EXOC2: variants seen among roughly 807,000 people sequenced by gnomAD.
The protein encoded by EXOC2 is exocyst complex component 2.
Under a neutral mutation model 131.8 loss-of-function variants are expected in EXOC2, and 70 were observed. That is an observed-to-expected ratio of 0.53 (90% CI 0.44 to 0.65). The LOEUF (loss-of-function observed/expected upper bound fraction) is 0.65, where lower values mean the gene tolerates loss of function less well. Ranked by LOEUF, EXOC2 falls within the 30% of genes least tolerant of loss-of-function variation. The pLI, the probability that EXOC2 is intolerant of heterozygous loss-of-function variation, is 0.00. For missense variants in EXOC2, 923 were observed against 1,108.6 expected (o/e 0.83, Z 2.38); for synonymous variants, 411 against 398.4 (o/e 1.03, Z -0.38).
chr6:631,025 C>A (rs1326435868), intron 3 of EXOC2, among the ~76,000 whole-genome samples: 1 of 152,198 alleles, frequency 6.6e-6, no homozygotes, highest in Non-Finnish European at 1.5e-5. Context: ...AGGCCCTGGG[C>A]TGCAACAGAA....
At chr6:534,425 G>A (rs558028158) in intron 22 of EXOC2, among the ~76,000 whole-genome samples, 2 of 142,020 alleles carry the variant, frequency 1.4e-5, no homozygotes, top group Non-Finnish European at 3.0e-5. Context: ...CTCTAAATGA[G>A]AGAGAGACAG....
intron 7 of EXOC2, among the ~76,000 whole-genome samples, chr6:609,537 G>A (rs1268987292): frequency 3.3e-5 from 5 of 152,222 alleles, no homozygotes; most frequent in African/African-American, 9.6e-5. Context: ...GACAAGGGAC[G>A]TGGACAGAAC....
At chr6:583,904 C>G (rs1284552965) in intron 11 of EXOC2, among the ~76,000 whole-genome samples, 1 of 152,190 alleles carries the variant, frequency 6.6e-6, no homozygotes, top group Non-Finnish European at 1.5e-5. Flanking sequence ...AAACTAGCAT[C>G]TCATATCTGT....
chr6:563,271 GCTAAGGGAATGC>G (rs1757795388), intron 16 of EXOC2, among the ~76,000 whole-genome samples: 1 of 152,148 alleles, frequency 6.6e-6, no homozygotes, highest in African/African-American at 2.4e-5. Context: ...TTCTCAGTTG[GCTAAGGGAATGC>G]CACCTGCTCA....
intron 4 of EXOC2, among the ~76,000 whole-genome samples, chr6:621,902 T>C (rs2127685180): frequency 6.6e-6 from 1 of 152,346 alleles, no homozygotes; most frequent in African/African-American, 2.4e-5. Context: ...TCACTTTATT[T>C]ATCTGCACCC....
At chr6:523,576 A>C (rs1765594008) in intron 23 of EXOC2, among the ~76,000 whole-genome samples, 1 of 152,252 alleles carries the variant, frequency 6.6e-6, no homozygotes, top group South Asian at 2.1e-4. Flanking sequence ...TTGCTGTTTC[A>C]AACATGTATA....
intron 1 of EXOC2, among the ~76,000 whole-genome samples, chr6:658,897 G>A (rs991173027): frequency 1.3e-5 from 2 of 151,812 alleles, no homozygotes; most frequent in African/African-American, 2.4e-5. Flanking sequence ...CCTGATCTCA[G>A]GTAATCTGCC....
intron 9 of EXOC2, among the ~76,000 whole-genome samples, chr6:598,370 A>G (rs1759937579): frequency 2.0e-5 from 3 of 152,220 alleles, no homozygotes. Flanking sequence ...ATAAAAAAAT[A>G]AATTTAGTTT....
At position 656,696 on chromosome 6, in the gene EXOC2, C is replaced by T. The variant is rs763203116; in HGVS notation, c.-43-18835G>A. On this transcript the variant is annotated intron_variant, in intron 1 of 27. Transcript: ENST00000230449. Reference sequence around the variant, plus strand: ...TCGCCGCCCGGGACAGGTGCTCCGCCGTCAGCTCCAGGTGGATCTCATCGA... The same window carrying T: ...TCGCCGCCCGGGACAGGTGCTCCGCTGTCAGCTCCAGGTGGATCTCATCGA... 7 of 1,605,582 alleles carry T rather than the reference C, an allele frequency of 4.4e-6. No homozygotes were observed. The African/African-American group carries it at 5.4e-5, about 12-fold the overall frequency.
chr6:649,943 T>C (rs995151334), intron 1 of EXOC2, among the ~76,000 whole-genome samples: 8 of 152,358 alleles, frequency 5.3e-5, no homozygotes, highest in South Asian at 2.1e-4. Flanking sequence ...CTTAAATAAT[T>C]TGTAAACTTG....
At chr6:650,108 A>G (rs1217646343) in intron 1 of EXOC2, among the ~76,000 whole-genome samples, 1 of 152,232 alleles carries the variant, frequency 6.6e-6, no homozygotes, top group Non-Finnish European at 1.5e-5. Flanking sequence ...TTTTAAATTT[A>G]AATTTTATCT....
At chr6:588,701 G>A (rs1759355542) in intron 11 of EXOC2, among the ~76,000 whole-genome samples, 1 of 152,188 alleles carries the variant, frequency 6.6e-6, no homozygotes, top group South Asian at 2.1e-4. Context: ...CTGAGGCACT[G>A]CTCCCATTCC....
At chr6:640,922 A>C (rs1762325201) in intron 1 of EXOC2, among the ~76,000 whole-genome samples, 1 of 152,134 alleles carries the variant, frequency 6.6e-6, no homozygotes, top group African/African-American at 2.4e-5. Flanking sequence ...CTAAAGTTTG[A>C]TACCAAATTA....
intron 23 of EXOC2, among the ~76,000 whole-genome samples, chr6:504,348 TCGCGGTGATGGCAGAACGATGTGTG>T (rs1764404095): frequency 6.6e-6 from 1 of 152,238 alleles, no homozygotes; most frequent in South Asian, 2.1e-4. Flanking sequence ...GGCTGAGGCC[TCGCGGTGATGGCAGAACGATGTGTG>T]GGATGAGTTT....
intron 1 of EXOC2, among the ~76,000 whole-genome samples, chr6:645,646 A>G (rs929819700): frequency 6.6e-5 from 10 of 152,148 alleles, no homozygotes; most frequent in African/African-American, 1.9e-4. Flanking sequence ...AGATATATGA[A>G]CTCAGTTTTT....
chr6:629,961 C>T lies in EXOC2; in HGVS notation c.296G>A (p.Gly99Asp). Residue 99 changes from glycine to aspartate, a missense_variant and splice_region_variant, in exon 4 of 28, where the codon GGC (glycine) becomes GAC (aspartate). Coordinates refer to ENST00000230449, the MANE Select transcript of EXOC2 (RefSeq NM_018303.6). ...SFKLLKPEKI[G>D]ILDQSAVWVD... is the part of the protein sequence containing the mutation. The stretch of plus-strand genomic sequence containing the variant: ...CCACACAGCAGACTGATCCAAAATG[C>T]CTACAGAAATGAGGAGCATATGCTT... 6.2e-7 allele frequency: 1 copy of T among 1,613,634 alleles called. No individual in the cohort carries two copies. Among genetic ancestry groups the T allele is most frequent in the East Asian group, 2.2e-5 (1 of 44,852 alleles).
At chr6:509,954 T>C (rs1418030510) in intron 23 of EXOC2, among the ~76,000 whole-genome samples, 1 of 152,180 alleles carries the variant, frequency 6.6e-6, no homozygotes, top group Non-Finnish European at 1.5e-5. Flanking sequence ...CTGGTAAAAA[T>C]AGATTCAAAA....
chr6:557,059 TAA>T (rs1321077284), intron 17 of EXOC2, among the ~76,000 whole-genome samples: 2 of 152,192 alleles, frequency 1.3e-5, no homozygotes, highest in Admixed American at 1.3e-4. Flanking sequence ...CTATCTACAT[TAA>T]GTCAGAAAAT....
At chr6:687,465 T>C (rs1764716996) in intron 1 of EXOC2, among the ~76,000 whole-genome samples, 1 of 152,116 alleles carries the variant, frequency 6.6e-6, no homozygotes, top group Non-Finnish European at 1.5e-5. Flanking sequence ...TTACAGGCAC[T>C]GAGCCACTGA....
Sources: gnomAD v4.1 joint callset for allele counts (sites outside exome capture counted in the v4.1 genomes callset) on GRCh38, gnomAD v4.1.1 for gene constraint, MANE v1.5 for transcripts, NCBI Gene and HGNC (gene_info 2026-07-23, HGNC 2026-07-21) for gene names.